The following USH2A variants were observed in gnomAD, a reference collection of about 807,000 sequenced individuals.
The protein encoded by USH2A is usherin.
A neutral mutation model predicts 538.9 loss-of-function variants in USH2A; 443 were observed. The observed-to-expected ratio is 0.82, with a 90% CI of 0.76 to 0.89. The LOEUF is 0.89. Among genes scored for constraint, USH2A ranks in the 40% least tolerant of loss-of-function variants. USH2A has a pLI of 0.00. For missense variants in USH2A, 6,633 were observed against 6,324.8 expected (o/e 1.05, Z -1.65); for synonymous variants, 2,413 against 2,273.5 (o/e 1.06, Z -1.75).
chr1:215,875,852 A>G (rs1174249611), intron 43 of USH2A, among the ~76,000 whole-genome samples: 3 of 147,720 alleles, frequency 2.0e-5, no homozygotes, highest in Admixed American at 6.8e-5. Flanking sequence ...TGAGGACAGC[A>G]ATTAATATAT....
chr1:216,329,217 T>C (rs1050387034), intron 4 of USH2A, among the ~76,000 whole-genome samples: 1 of 152,180 alleles, frequency 6.6e-6, no homozygotes, highest in Non-Finnish European at 1.5e-5. Flanking sequence ...CCAACACAAA[T>C]TGTTCTAAAA....
At chr1:216,364,908 AT>A (rs760051524) in intron 4 of USH2A, 44 bp downstream of exon 4, 27 of 1,610,488 alleles carry the variant, frequency 1.7e-5, no homozygotes, top group Non-Finnish European at 2.0e-5. Context: ...TTTAAGAACA[AT>A]GTAATTGGAT....
At chr1:216,299,805 T>G (rs1054175194) in intron 9 of USH2A, among the ~76,000 whole-genome samples, 1 of 152,198 alleles carries the variant, frequency 6.6e-6, no homozygotes, top group Non-Finnish European at 1.5e-5. Flanking sequence ...AGAGTATGAT[T>G]TGTAAAAAAT....
At chr1:216,211,677 G>A (rs867831842) in intron 15 of USH2A, among the ~76,000 whole-genome samples, 1 of 152,056 alleles carries the variant, frequency 6.6e-6, no homozygotes, top group Non-Finnish European at 1.5e-5. Flanking sequence ...CATTCCAACA[G>A]TCTATATGCC....
chr1:215,641,466 T>G (rs183633587), intron 67 of USH2A, among the ~76,000 whole-genome samples: 37 of 152,346 alleles, frequency 2.4e-4, no homozygotes, highest in African/African-American at 8.7e-4. Context: ...AGGCACATTC[T>G]CTTGATTTTT....
intron 32 of USH2A, among the ~76,000 whole-genome samples, chr1:216,002,846 C>A (rs1266556915): frequency 6.6e-6 from 1 of 152,144 alleles, no homozygotes; most frequent in Non-Finnish European, 1.5e-5. Context: ...ATATCTGGAA[C>A]TTAGGTATCT....
chr1:215,862,632 G>A (rs1382328286), intron 44 of USH2A, among the ~76,000 whole-genome samples: 14 of 152,030 alleles, frequency 9.2e-5, no homozygotes, highest in African/African-American at 4.8e-5. Flanking sequence ...ACTAGACATG[G>A]CTTCCCCTTT....
intron 35 of USH2A, among the ~76,000 whole-genome samples, chr1:215,990,719 TAAGGA>T (rs1667983332): frequency 6.6e-6 from 1 of 151,082 alleles, no homozygotes; most frequent in African/African-American, 2.4e-5. Context: ...TTTCTACAGG[TAAGGA>T]CAGGGTGATG....
chr1:215,873,103 A>G (rs1171223149), intron 43 of USH2A, among the ~76,000 whole-genome samples: 1 of 152,148 alleles, frequency 6.6e-6, no homozygotes, highest in Non-Finnish European at 1.5e-5. Context: ...AGAAAAGGAC[A>G]TCGTGTAGGG....
intron 64 of USH2A, among the ~76,000 whole-genome samples, chr1:215,663,315 A>G (rs1657501933): frequency 6.6e-6 from 1 of 152,218 alleles, no homozygotes; most frequent in Admixed American, 6.5e-5. Context: ...CTAGACACAC[A>G]GATTTCTTAG....
At chr1:215,640,800 TAA>T (rs371387260) in intron 67 of USH2A, 66 bp from the exon 68 acceptor site, 562 of 1,068,920 alleles carry the variant, frequency 5.3e-4, no homozygotes, top group African/African-American at 1.5e-3. Context: ...GTGTGCACTT[TAA>T]AAAAAAAAAA....
At chr1:215,674,065 G>A in intron 63 of USH2A, 35 bp downstream of exon 63, 1 of 1,613,592 alleles carries the variant, frequency 6.2e-7, no homozygotes, top group Non-Finnish European at 8.5e-7. Flanking sequence ...GTCAGCAGTG[G>A]CTTACTCTCA....
chr1:216,206,261 T>G lies in USH2A; in HGVS notation c.3316+1012A>C, dbSNP rs11805181. 4.9e-3 allele frequency among the ~76,000 whole-genome samples: 746 copies of G among 152,328 alleles called. 9 individuals are homozygous for G. Among genetic ancestry groups the G allele is most frequent in the African/African-American group, 0.017 (706 of 41,572 alleles). On this transcript the variant is annotated intron_variant, in intron 16 of 71. Coordinates refer to ENST00000307340, the MANE Select transcript of USH2A (RefSeq NM_206933.4). ...AATTAAAATGGTATAATTCTCAGAT[T>G]ATTTTAATAACTTTATTTACTTTAA...
chr1:215,724,043 T>C (rs1420044517), intron 61 of USH2A, among the ~76,000 whole-genome samples: 1 of 152,014 alleles, frequency 6.6e-6, no homozygotes, highest in East Asian at 1.9e-4. Context: ...TAAGTGTTCA[T>C]CAATGGATGA....
rs547139507 is a variant in USH2A at position 216,292,738 on chromosome 1, A to T, written c.1645-368T>A. Among the ~76,000 whole-genome samples, 152 of 152,276 alleles carry T rather than the reference A, an allele frequency of 1.0e-3. 1 individual carries two copies. The highest frequency in any genetic ancestry group is 3.5e-3 in the African/African-American group (146 of 41,556). On this transcript the variant is annotated intron_variant, in intron 9 of 71. Coordinates refer to ENST00000307340, the MANE Select transcript of USH2A (RefSeq NM_206933.4). Reference sequence around the variant, plus strand: ...CGACATCTATCCCCTCAAGTGTTTAACCTTTGTGTTACAAACATGCAAAGT... The same window carrying T: ...CGACATCTATCCCCTCAAGTGTTTATCCTTTGTGTTACAAACATGCAAAGT...
intron 58 of USH2A, among the ~76,000 whole-genome samples, chr1:215,748,326 G>C (rs1660539255): frequency 6.6e-6 from 1 of 152,066 alleles, no homozygotes; most frequent in African/African-American, 2.4e-5. Context: ...GTTTTCTTTA[G>C]ATCTTCCTAA....
chr1:216,267,080 A>G (rs549968933), intron 11 of USH2A, among the ~76,000 whole-genome samples: 3 of 152,168 alleles, frequency 2.0e-5, no homozygotes, highest in African/African-American at 7.2e-5. Context: ...TCCTCTAAAG[A>G]GAGTTCCAGA....
At chr1:215,894,883 A>G (rs79483827) in intron 40 of USH2A, among the ~76,000 whole-genome samples, 1,599 of 152,264 alleles carry the variant, frequency 0.011, 24 homozygotes, top group African/African-American at 0.037. Flanking sequence ...TACCCTGAAC[A>G]AGTGGAGATG....
intron 10 of USH2A, among the ~76,000 whole-genome samples, chr1:216,291,867 G>A (rs2037008109): frequency 1.3e-5 from 2 of 152,156 alleles, no homozygotes; most frequent in Non-Finnish European, 2.9e-5. Flanking sequence ...AAGCATTCCC[G>A]AGTTATTCTA....
Sources: gnomAD v4.1 joint callset for allele counts (sites outside exome capture counted in the v4.1 genomes callset) on GRCh38, gnomAD v4.1.1 for gene constraint, MANE v1.5 for transcripts, NCBI Gene and HGNC (gene_info 2026-07-23, HGNC 2026-07-21) for gene names.